The following HGD variants were observed in gnomAD, a reference collection of about 807,000 sequenced individuals.
HGD encodes the protein homogentisate 1,2-dioxygenase, also known as homogentisate oxidase.
Under a neutral mutation model 60.8 loss-of-function variants are expected in HGD, and 61 were observed. That is an observed-to-expected ratio of 1.00 (90% confidence interval 0.82 to 1.24). HGD has a LOEUF of 1.24. Among genes scored for constraint, HGD ranks in the 50% most tolerant of loss-of-function variants. HGD has a pLI of 0.00. For synonymous variants in HGD, 212 were observed against 187.7 expected (o/e 1.13, Z -1.06); for missense variants, 542 against 547.1 (o/e 0.99, Z 0.09).
chr3:120,647,195 T>C (rs1270099390), intron 7 of HGD, 143 bp from the exon 8 acceptor site: 1 of 716,960 alleles, frequency 1.4e-6, no homozygotes, highest in Non-Finnish European at 2.6e-6. Flanking sequence ...AAAGATAAAT[T>C]CTGACAACTT....
intron 3 of HGD, among the ~76,000 whole-genome samples, chr3:120,670,911 C>A (rs1052373130): frequency 6.6e-6 from 1 of 152,170 alleles, no homozygotes; most frequent in Admixed American, 6.5e-5. Flanking sequence ...GGATGCTAGT[C>A]CTTGCTCTGG....
At chr3:120,640,281 G>A (rs924407842) in intron 11 of HGD, among the ~76,000 whole-genome samples, 2 of 151,882 alleles carry the variant, frequency 1.3e-5, no homozygotes, top group African/African-American at 4.8e-5. Flanking sequence ...AAGGAAGTGG[G>A]AAGGAAGGGA....
At position 120,650,765 on chromosome 3, in the gene HGD, G is replaced by A. The variant is rs780968063; in HGVS notation, c.434+9C>T. On this transcript the variant is annotated intron_variant, in intron 6 of 13. Transcript: ENST00000283871. ...TGGGCATGTCCTTCCCTAGAACTGA[G>A]CCACTTACCTGTTCTCCATGGAGGT... 3 of 1,606,288 alleles carry A rather than the reference G, an allele frequency of 1.9e-6. No homozygotes were observed. Among genetic ancestry groups the A allele is most frequent in the Admixed American group, 3.3e-5 (2 of 60,018 alleles).
chr3:120,658,034 T>C (rs1941552615), intron 4 of HGD, among the ~76,000 whole-genome samples: 2 of 152,162 alleles, frequency 1.3e-5, no homozygotes, highest in South Asian at 4.1e-4. Flanking sequence ...GATTATAATT[T>C]GATATGAAAT....
In HGD at chr3:120,652,661, A is replaced by T; in HGVS notation, c.283-10T>A. On this transcript the variant is annotated splice_polypyrimidine_tract_variant and intron_variant, in intron 4 of 13. Transcript: ENST00000283871. ...ATGGTTTCCATCTAAGCTGGAAAAAAAATACACATACAGAAAAATTACTTC... is the reference window on the plus strand; with the variant it reads ...ATGGTTTCCATCTAAGCTGGAAAAATAATACACATACAGAAAAATTACTTC... 2 of 1,599,308 alleles carry T rather than the reference A, an allele frequency of 1.3e-6. No individual in the cohort carries two copies. Among genetic ancestry groups the T allele is most frequent in the Non-Finnish European group, 1.7e-6 (2 of 1,166,980 alleles).
intron 4 of HGD, among the ~76,000 whole-genome samples, chr3:120,660,285 T>C (rs1941623149): frequency 2.0e-5 from 3 of 152,182 alleles, no homozygotes; most frequent in Admixed American, 2.0e-4. Flanking sequence ...GTATAAATAG[T>C]TGTTAGCAGA....
intron 10 of HGD, among the ~76,000 whole-genome samples, chr3:120,642,788 C>T (rs889258979): frequency 1.3e-5 from 2 of 152,140 alleles, no homozygotes; most frequent in Admixed American, 1.3e-4. Flanking sequence ...AAGAAATATC[C>T]CAATTTGTCT....
intron 4 of HGD, among the ~76,000 whole-genome samples, chr3:120,667,888 T>C (rs565243646): frequency 2.5e-3 from 377 of 152,328 alleles, no homozygotes; most frequent in Non-Finnish European, 4.0e-3. Flanking sequence ...TATACATAAT[T>C]ACTATACCCA....
intron 3 of HGD, among the ~76,000 whole-genome samples, chr3:120,671,642 A>G (rs1038532165): frequency 6.6e-6 from 1 of 152,238 alleles, no homozygotes; most frequent in Non-Finnish European, 1.5e-5. Flanking sequence ...TACTGGGTGT[A>G]TACCCAAAGG....
chr3:120,669,415 G>A (rs1331780020), intron 4 of HGD, among the ~76,000 whole-genome samples: 1 of 149,840 alleles, frequency 6.7e-6, no homozygotes, highest in African/African-American at 2.5e-5. Flanking sequence ...TATGCCATTA[G>A]GCTAGAAAAA....
At chr3:120,641,118 G>A (rs185292741) in intron 11 of HGD, among the ~76,000 whole-genome samples, 72 of 152,294 alleles carry the variant, frequency 4.7e-4, no homozygotes, top group Non-Finnish European at 7.3e-4. Context: ...AACTTTAGAA[G>A]TGGGCTGTTC....
chr3:120,648,743 T>C (rs1941241265), intron 6 of HGD, among the ~76,000 whole-genome samples: 1 of 152,206 alleles, frequency 6.6e-6, no homozygotes, highest in African/African-American at 2.4e-5. Flanking sequence ...AAATTAAGGA[T>C]ATTCAAAGGC....
chr3:120,668,483 G>A (rs1045819631), intron 4 of HGD, among the ~76,000 whole-genome samples: 6 of 152,050 alleles, frequency 3.9e-5, no homozygotes, highest in African/African-American at 1.4e-4. Flanking sequence ...CAAAGGGGAA[G>A]CAGGAGATTT....
At chr3:120,658,653 T>C (rs531247578) in intron 4 of HGD, among the ~76,000 whole-genome samples, 4 of 152,354 alleles carry the variant, frequency 2.6e-5, no homozygotes, top group African/African-American at 9.6e-5. Context: ...GCGGGGACTC[T>C]GTGTGGGAGC....
intron 4 of HGD, among the ~76,000 whole-genome samples, chr3:120,662,527 A>T (rs1017954229): frequency 2.0e-5 from 3 of 152,120 alleles, no homozygotes; most frequent in African/African-American, 7.2e-5. Context: ...GGGGAGCAAG[A>T]CTGAGGAATC....
chr3:120,675,088 A>G, intron 2 of HGD, 99 bp from the exon 3 acceptor site: 1 of 782,170 alleles, frequency 1.3e-6, no homozygotes, highest in Non-Finnish European at 2.3e-6. Context: ...GCTCTGGGCG[A>G]CTGCACATGA....
chr3:120,644,571 A>T, intron 9 of HGD, 128 bp from the exon 10 acceptor site: 3 of 1,558,320 alleles, frequency 1.9e-6, no homozygotes, highest in Non-Finnish European at 2.6e-6. Flanking sequence ...CATTGCTCAA[A>T]GATTCACTGC....
At chr3:120,632,389 G>T (rs1017206683) in intron 13 of HGD, among the ~76,000 whole-genome samples, 4 of 152,184 alleles carry the variant, frequency 2.6e-5, no homozygotes, top group Non-Finnish European at 5.9e-5. Flanking sequence ...CTACCTCGAA[G>T]AATGCAAAAA....
intron 13 of HGD, among the ~76,000 whole-genome samples, chr3:120,630,839 CACAT>C (rs1376558254): frequency 1.1e-4 from 9 of 81,106 alleles, no homozygotes; most frequent in African/African-American, 3.2e-4. Flanking sequence ...CATACACACA[CACAT>C]ACACACACAC....
Sources: allele counts gnomAD v4.1 joint callset (sites outside exome capture counted in the v4.1 genomes callset), GRCh38; gene constraint gnomAD v4.1.1; transcripts MANE v1.5; gene names NCBI Gene and HGNC (gene_info 2026-07-23, HGNC 2026-07-21).